The following EPB41L4A variants were observed in gnomAD, a reference collection of about 807,000 sequenced individuals.
The protein encoded by EPB41L4A is band 4.1-like protein 4A.
A neutral mutation model predicts 108.6 loss-of-function variants in EPB41L4A; 100 were observed. The observed-to-expected ratio is 0.92, with a 90% CI of 0.78 to 1.09. The LOEUF (loss-of-function observed/expected upper bound fraction) is 1.09, where lower values mean the gene tolerates loss of function less well. Among genes scored for constraint, EPB41L4A ranks in the 50% least tolerant of loss-of-function variants. EPB41L4A has a pLI of 0.00. For synonymous variants in EPB41L4A, 319 were observed against 289.0 expected (o/e 1.10, Z -1.05); for missense variants, 1,030 against 842.7 (o/e 1.22, Z -2.75).
At chr5:112,161,649 C>T (rs1481379087), downstream of EPB41L4A, 3 of 518,224 alleles carry the variant, frequency 5.8e-6, no homozygotes, top group African/African-American at 1.9e-5. Context: ...GTGATCTTGA[C>T]CCTGCTAGCC....
At chr5:112,300,635 T>A (rs574576104) in intron 2 of EPB41L4A, among the ~76,000 whole-genome samples, 2 of 152,304 alleles carry the variant, frequency 1.3e-5, no homozygotes, top group South Asian at 2.1e-4. Flanking sequence ...TAGGTAATGA[T>A]CTTTTTGCAA....
At chr5:112,259,466 T>C (rs924132807) in intron 8 of EPB41L4A, among the ~76,000 whole-genome samples, 174 bp from the exon 9 acceptor site, 2 of 152,200 alleles carry the variant, frequency 1.3e-5, no homozygotes, top group Non-Finnish European at 2.9e-5. Context: ...GAAAACTCCA[T>C]TCTCATTGTC....
chr5:112,270,397 T>G (rs1752176042), intron 4 of EPB41L4A, among the ~76,000 whole-genome samples: 1 of 152,148 alleles, frequency 6.6e-6, no homozygotes, highest in African/African-American at 2.4e-5. Context: ...ACACAGCATT[T>G]TATCTAACCA....
At chr5:112,413,119 A>G (rs1453297097) in intron 1 of EPB41L4A, among the ~76,000 whole-genome samples, 1 of 152,206 alleles carries the variant, frequency 6.6e-6, no homozygotes, top group Non-Finnish European at 1.5e-5. Context: ...ATGAGGATCT[A>G]TTTTCCATTT....
intron 1 of EPB41L4A, among the ~76,000 whole-genome samples, chr5:112,380,491 A>G (rs1408014805): frequency 6.6e-6 from 1 of 152,118 alleles, no homozygotes; most frequent in Non-Finnish European, 1.5e-5. Flanking sequence ...CATAGATGCT[A>G]CTTTTTCTCA....
At chr5:112,195,581 G>T (rs1326527169) in intron 16 of EPB41L4A, 80 bp downstream of exon 16, 5 of 1,200,616 alleles carry the variant, frequency 4.2e-6, no homozygotes, top group Non-Finnish European at 6.1e-6. Context: ...TAATGCCCCC[G>T]CTCTTTCCTT....
chr5:112,419,518 G>C (rs1397218723), upstream of EPB41L4A: 4 of 392,318 alleles, frequency 1.0e-5, no homozygotes, highest in African/African-American at 2.1e-5. Context: ...CCTGGCGTCC[G>C]ATCGGCCTGC....
At chr5:112,168,694 A>C in intron 22 of EPB41L4A, 45 bp downstream of exon 22, 1 of 1,506,066 alleles carries the variant, frequency 6.6e-7, no homozygotes, top group Non-Finnish European at 9.2e-7. Context: ...GCTTCTCAAA[A>C]TTGTCATCAA....
intron 1 of EPB41L4A, among the ~76,000 whole-genome samples, chr5:112,393,803 A>T (rs1242086330): frequency 3.9e-5 from 6 of 152,162 alleles, no homozygotes; most frequent in African/African-American, 1.4e-4. Context: ...AGAATTTTAG[A>T]CCAATATCCC....
chr5:112,229,987 C>CAAAAAAAAAA (rs71224877), intron 12 of EPB41L4A, among the ~76,000 whole-genome samples: 9 of 77,210 alleles, frequency 1.2e-4, no homozygotes, highest in Non-Finnish European at 1.6e-4. Context: ...GACTCTGTCT[C>CAAAAAAAAAA]AAAAAAAAAA....
At chr5:112,293,172 A>G (rs1753760576) in intron 2 of EPB41L4A, among the ~76,000 whole-genome samples, 3 of 152,060 alleles carry the variant, frequency 2.0e-5, no homozygotes, top group Admixed American at 2.0e-4. Context: ...GTTATTAAGT[A>G]CTTTGTACCT....
intron 1 of EPB41L4A, among the ~76,000 whole-genome samples, chr5:112,400,954 T>C (rs372953864): frequency 9.9e-5 from 15 of 152,164 alleles, no homozygotes; most frequent in African/African-American, 3.6e-4. Flanking sequence ...TAACTATATA[T>C]GGTCTTACTC....
intron 11 of EPB41L4A, 97 bp from the exon 12 acceptor site, chr5:112,234,852 G>A: frequency 3.8e-6 from 5 of 1,307,494 alleles, no homozygotes; most frequent in Admixed American, 4.4e-5. Context: ...ATGGAGAGAA[G>A]AAAAAACACA....
chr5:112,154,127 T>C (rs1313055845), intron 12 of EPB41L4A, among the ~76,000 whole-genome samples: 1 of 152,150 alleles, frequency 6.6e-6, no homozygotes, highest in African/African-American at 2.4e-5. Flanking sequence ...TAAGTGTGGA[T>C]ATAAACTGGC....
rs114184494 is a variant in EPB41L4A at position 112,407,375 on chromosome 5, G to A, written c.99+11566C>T. 7.6e-3 allele frequency among the ~76,000 whole-genome samples: 1,151 copies of A among 152,268 alleles called. 20 individuals carry two copies. The highest frequency in any genetic ancestry group is 0.026 in the African/African-American group (1,079 of 41,544). Reference sequence around the variant, plus strand: ...AGTTCAATTCCACAAAGCCACAGCTGCTCCAAATGCCTTAACCTACAATCC... The same window carrying A: ...AGTTCAATTCCACAAAGCCACAGCTACTCCAAATGCCTTAACCTACAATCC... On this transcript the variant is annotated intron_variant, in intron 1 of 22. Coordinates refer to ENST00000261486, the MANE Select transcript of EPB41L4A (RefSeq NM_022140.5).
chr5:112,254,876 T>G (rs745718478), intron 9 of EPB41L4A, among the ~76,000 whole-genome samples: 16 of 151,930 alleles, frequency 1.1e-4, no homozygotes, highest in Admixed American at 2.0e-4. Context: ...GCAAACCCCC[T>G]CACTCCTCAG....
chr5:112,297,920 G>A (rs780815581), intron 2 of EPB41L4A, among the ~76,000 whole-genome samples: 20 of 151,928 alleles, frequency 1.3e-4, no homozygotes, highest in South Asian at 2.1e-4. Flanking sequence ...TTGCTTTGTC[G>A]ATGGTCAGTT....
chr5:112,414,684 T>C (rs1454215707), intron 1 of EPB41L4A, among the ~76,000 whole-genome samples: 2 of 152,234 alleles, frequency 1.3e-5, no homozygotes, highest in African/African-American at 4.8e-5. Flanking sequence ...TAACCAACAA[T>C]GCTTTCCCCC....
intron 9 of EPB41L4A, among the ~76,000 whole-genome samples, chr5:112,249,850 C>A (rs1473058357): frequency 1.3e-5 from 2 of 152,092 alleles, no homozygotes; most frequent in Non-Finnish European, 2.9e-5. Flanking sequence ...AACACTCAGA[C>A]CTTTAATGCG....
Sources: allele counts gnomAD v4.1 joint callset (sites outside exome capture counted in the v4.1 genomes callset), GRCh38; gene constraint gnomAD v4.1.1; transcripts MANE v1.5; gene names NCBI Gene and HGNC (gene_info 2026-07-23, HGNC 2026-07-21).